Variants in APBB2 observed in about 807,000 individuals in gnomAD.
APBB2 encodes the protein Fe65-like 1.
APBB2 carries 38 observed loss-of-function variants against 82.5 expected under a neutral mutation model. The ratio of observed to expected loss-of-function variants is 0.46; its 90% confidence interval spans 0.36 to 0.60. The LOEUF (loss-of-function observed/expected upper bound fraction) is 0.60, where lower values mean the gene tolerates loss of function less well. Among genes scored for constraint, APBB2 ranks in the 20% least tolerant of loss-of-function variants. The pLI is 0.00. For synonymous variants in APBB2, 341 were observed against 368.2 expected (o/e 0.93, Z 0.85); for missense variants, 772 against 972.3 (o/e 0.79, Z 2.74).
At chr4:41,128,336 G>A (rs1034277619) in intron 2 of APBB2, among the ~76,000 whole-genome samples, 1 of 152,134 alleles carries the variant, frequency 6.6e-6, no homozygotes, top group African/African-American at 2.4e-5. Flanking sequence ...AATTAGTTCA[G>A]CCACTGAGGA....
intron 2 of APBB2, among the ~76,000 whole-genome samples, chr4:41,140,365 G>A (rs1758762923): frequency 6.6e-6 from 1 of 152,184 alleles, no homozygotes; most frequent in Non-Finnish European, 1.5e-5. Context: ...CAAAAAGCAA[G>A]TAATTGAATT....
intron 7 of APBB2, among the ~76,000 whole-genome samples, chr4:40,939,137 C>T (rs983276668): frequency 1.3e-5 from 2 of 152,174 alleles, no homozygotes; most frequent in Non-Finnish European, 2.9e-5. Flanking sequence ...CCTCTATAAC[C>T]ATAAGAAATA....
At chr4:40,825,823 G>A in intron 15 of APBB2, 64 bp downstream of exon 15, 4 of 1,334,666 alleles carry the variant, frequency 3.0e-6, no homozygotes, top group Non-Finnish European at 4.3e-6. Context: ...TCCTCGGAGG[G>A]CGAACGCCTC....
chr4:40,913,830 C>T (rs1260529902), intron 10 of APBB2, among the ~76,000 whole-genome samples: 2 of 151,752 alleles, frequency 1.3e-5, no homozygotes, highest in Admixed American at 6.6e-5. Context: ...CTTTTAAGTG[C>T]GAGAAGGCTA....
chr4:41,020,212 A>G (rs904691205), intron 5 of APBB2, among the ~76,000 whole-genome samples: 1 of 152,252 alleles, frequency 6.6e-6, no homozygotes, highest in African/African-American at 2.4e-5. Context: ...GTAACCCGAA[A>G]GCACTGAAGC....
intron 1 of APBB2, among the ~76,000 whole-genome samples, chr4:41,172,497 A>T (rs1312251478): frequency 6.6e-6 from 1 of 152,212 alleles, no homozygotes; most frequent in Non-Finnish European, 1.5e-5. Flanking sequence ...CATAGAAACT[A>T]CCACCATTTC....
intron 4 of APBB2, among the ~76,000 whole-genome samples, chr4:41,035,909 T>G (rs1332410035): frequency 1.3e-5 from 2 of 152,108 alleles, no homozygotes; most frequent in Admixed American, 6.5e-5. Context: ...CAGCGGCTCA[T>G]GCACACTGGG....
At chr4:41,182,695 A>G (rs1240576248) in intron 1 of APBB2, among the ~76,000 whole-genome samples, 1 of 152,188 alleles carries the variant, frequency 6.6e-6, no homozygotes, top group East Asian at 1.9e-4. Flanking sequence ...CAGGAAACTT[A>G]CAATCATGGC....
At chr4:40,863,721 TG>T (rs1763346179) in intron 12 of APBB2, among the ~76,000 whole-genome samples, 1 of 151,390 alleles carries the variant, frequency 6.6e-6, no homozygotes, top group African/African-American at 2.4e-5. Context: ...GGTGAAACCC[TG>T]TTTCTACGAA....
At chr4:40,915,003 A>T (rs1207919062) in intron 10 of APBB2, among the ~76,000 whole-genome samples, 3 of 152,190 alleles carry the variant, frequency 2.0e-5, no homozygotes, top group African/African-American at 4.8e-5. Flanking sequence ...AAGAGAGGGG[A>T]AGGGGGCAGT....
chr4:41,020,835 T>C (rs978893149), intron 5 of APBB2, among the ~76,000 whole-genome samples: 1 of 152,228 alleles, frequency 6.6e-6, no homozygotes, highest in African/African-American at 2.4e-5. Flanking sequence ...CTCTGAGGCA[T>C]AGACCTCCTC....
chr4:41,046,075 A>T (rs539359027), intron 4 of APBB2, among the ~76,000 whole-genome samples: 1 of 152,348 alleles, frequency 6.6e-6, no homozygotes, highest in African/African-American at 2.4e-5. Flanking sequence ...TATATCTTTA[A>T]AAAAACAATA....
chr4:41,185,127 T>C (rs1240483533), intron 1 of APBB2, among the ~76,000 whole-genome samples: 2 of 152,084 alleles, frequency 1.3e-5, no homozygotes, highest in East Asian at 1.9e-4. Flanking sequence ...AATGGAAATA[T>C]ATGGATGGAT....
chr4:41,007,216 T>C (rs541828936), intron 6 of APBB2, among the ~76,000 whole-genome samples: 9 of 152,052 alleles, frequency 5.9e-5, no homozygotes, highest in Admixed American at 4.6e-4. Flanking sequence ...ACTGGTGTCT[T>C]TATGAGAAGA....
intron 1 of APBB2, among the ~76,000 whole-genome samples, chr4:41,191,142 A>C (rs1160990269): frequency 6.6e-6 from 1 of 152,208 alleles, no homozygotes; most frequent in African/African-American, 2.4e-5. Context: ...TCAGACTGAT[A>C]AAATATTTCA....
At chr4:40,888,428 G>A (rs368228239) in intron 12 of APBB2, among the ~76,000 whole-genome samples, 4 of 152,232 alleles carry the variant, frequency 2.6e-5, no homozygotes, top group African/African-American at 4.8e-5. Context: ...ACTCGTACAC[G>A]CATGGAATGT....
Position 40,847,212 on chromosome 4 carries a change from C to T in APBB2, c.1530-16635G>A, listed in dbSNP as rs991572419. Among the ~76,000 whole-genome samples the T allele has an allele frequency of 3.3e-5, 5 of 152,288 alleles. No homozygotes were observed. In the East Asian group the frequency reaches 9.6e-4, roughly 29 times the overall value. ...GCATGGTGGCTCACACTTGTAATCC[C>T]AGCACTTTGGGAGGTTGAGGCAGGT... On this transcript the variant is annotated intron_variant, in intron 12 of 17. Transcript: ENST00000508593.
chr4:41,049,080 G>A (rs1321955700), intron 4 of APBB2, among the ~76,000 whole-genome samples: 2 of 151,414 alleles, frequency 1.3e-5, no homozygotes, highest in South Asian at 2.1e-4. Flanking sequence ...CTGCCCGGCC[G>A]CCACCCCGTC....
chr4:41,041,245 A>G (rs748520060), intron 4 of APBB2, among the ~76,000 whole-genome samples: 2 of 152,208 alleles, frequency 1.3e-5, no homozygotes, highest in African/African-American at 2.4e-5. Flanking sequence ...GCAAAATTCA[A>G]TAACAGTCAA....
Sources: allele counts gnomAD v4.1 joint callset (sites outside exome capture counted in the v4.1 genomes callset), GRCh38; gene constraint gnomAD v4.1.1; transcripts MANE v1.5; gene names NCBI Gene and HGNC (gene_info 2026-07-23, HGNC 2026-07-21).